ACVR1C: variants seen among roughly 807,000 people sequenced by gnomAD.
ACVR1C encodes the protein activin A receptor type 1C.
Under a neutral mutation model 57.9 loss-of-function variants are expected in ACVR1C, and 23 were observed. The observed-to-expected ratio is 0.40, with a 90% CI of 0.29 to 0.56. The LOEUF is 0.56. ACVR1C is among the 20% of genes least tolerant of loss of function. ACVR1C has a pLI of 0.50. For missense variants in ACVR1C, 480 were observed against 607.9 expected, an observed-to-expected ratio of 0.79 and a Z score of 2.21; for synonymous variants, 214 against 215.3, an observed-to-expected ratio of 0.99 and a Z score of 0.05.
intron 1 of ACVR1C, among the ~76,000 whole-genome samples, chr2:157,626,258 T>C (rs1336880809): frequency 6.6e-6 from 1 of 152,234 alleles, no homozygotes; most frequent in Non-Finnish European, 1.5e-5. Flanking sequence ...CGTGAGCCAC[T>C]GCACCCAGCC....
intron 1 of ACVR1C, among the ~76,000 whole-genome samples, chr2:157,610,392 T>C (rs371198024): frequency 8.5e-5 from 13 of 152,294 alleles, no homozygotes; most frequent in Non-Finnish European, 8.8e-5. Context: ...CCTATAAGGT[T>C]TCTGTTGAAA....
At position 157,541,105 on chromosome 2, in the gene ACVR1C, T is replaced by C. The variant is rs1455897194; in HGVS notation, c.1210A>G (p.Arg404Gly). The C allele has an allele frequency of 1.2e-6, 2 of 1,613,842 alleles. No individual in the cohort carries two copies. The highest frequency in any genetic ancestry group is 1.7e-6 in the Non-Finnish European group (2 of 1,179,916). ...AAAATTTTACCTCCGACTGAACACC[T>C]CCGGGCTATTTCCCAGTAAACCAGA... Reference protein sequence around the residue: ...VGLVYWEIARRCSVGGIVEEY... With the variant: ...VGLVYWEIARGCSVGGIVEEY... The change falls in exon 7 of 9, where the codon AGG becomes GGG. Residue 404 changes from arginine to glycine, a missense_variant. By Grantham distance (125) the Arg-to-Gly change is moderately radical. Transcript: ENST00000243349.
At chr2:157,610,020 A>C (rs1206809460) in intron 1 of ACVR1C, among the ~76,000 whole-genome samples, 2 of 151,980 alleles carry the variant, frequency 1.3e-5, no homozygotes, top group Non-Finnish European at 1.5e-5. Flanking sequence ...TAGTTGTTTT[A>C]TAAATTCTTT....
chr2:157,539,729 C>T (rs1687575897), intron 7 of ACVR1C, among the ~76,000 whole-genome samples: 1 of 152,140 alleles, frequency 6.6e-6, no homozygotes, highest in African/African-American at 2.4e-5. Context: ...AACTGAAGCA[C>T]AGAATGCTAT....
chr2:157,622,733 G>A (rs533549308), intron 1 of ACVR1C, among the ~76,000 whole-genome samples: 11 of 152,204 alleles, frequency 7.2e-5, no homozygotes, highest in Non-Finnish European at 1.6e-4. Flanking sequence ...CAGCACAGAT[G>A]CCCAAAGCAA....
At chr2:157,614,372 T>C (rs1682596619) in intron 1 of ACVR1C, among the ~76,000 whole-genome samples, 1 of 152,192 alleles carries the variant, frequency 6.6e-6, no homozygotes, top group Non-Finnish European at 1.5e-5. Flanking sequence ...ATATTCTGTA[T>C]ACTTTAATTT....
At chr2:157,618,403 T>A (rs983900159) in intron 1 of ACVR1C, among the ~76,000 whole-genome samples, 2 of 151,598 alleles carry the variant, frequency 1.3e-5, no homozygotes, top group African/African-American at 4.8e-5. Context: ...TGAAAGAGGA[T>A]ATATAAAAAT....
rs578241504 is a variant in ACVR1C at position 157,531,761 on chromosome 2, G to T, written c.*2157C>A. 2.2e-4 allele frequency: 34 copies of T among 152,144 alleles called. No homozygotes were observed. The highest frequency in any genetic ancestry group is 7.9e-4 in the African/African-American group (33 of 41,524). The allele number at this position is 152,144 out of a possible 1,614,324, so 9.4% of individuals were successfully genotyped here. On this transcript the variant is annotated 3_prime_UTR_variant, in exon 9 of 9. Transcript: ENST00000243349. ...TAAAAACTGATGATATATTTAGATTGTCTGTAATATCCAAATAAAGCTACT... is the reference window on the plus strand; with the variant it reads ...TAAAAACTGATGATATATTTAGATTTTCTGTAATATCCAAATAAAGCTACT...
chr2:157,573,888 A>T (rs571775154), intron 2 of ACVR1C, among the ~76,000 whole-genome samples: 1 of 152,340 alleles, frequency 6.6e-6, no homozygotes, highest in Admixed American at 6.5e-5. Context: ...TAAGGAAGTA[A>T]GATACAAAAT....
intron 2 of ACVR1C, among the ~76,000 whole-genome samples, chr2:157,563,787 G>A (rs1179424162): frequency 6.6e-6 from 1 of 152,186 alleles, no homozygotes; most frequent in East Asian, 1.9e-4. Context: ...CAATGGAACA[G>A]AACAGAGACA....
At chr2:157,565,756 A>G (rs1370663325) in intron 2 of ACVR1C, among the ~76,000 whole-genome samples, 1 of 152,180 alleles carries the variant, frequency 6.6e-6, no homozygotes, top group Admixed American at 6.5e-5. Flanking sequence ...TCATAATTTT[A>G]TAGCTGACAG....
At chr2:157,576,835 C>CTTTTTTTTTTTTTTTTTTT (rs1166673398) in intron 2 of ACVR1C, among the ~76,000 whole-genome samples, 2 of 41,722 alleles carry the variant, frequency 4.8e-5, no homozygotes, top group African/African-American at 2.7e-4. Context: ...TTGAAATTTT[C>CTTTTTTTTTTTTTTTTTTT]TTTTTTTTTT....
At chr2:157,607,121 G>T (rs1330477589) in intron 1 of ACVR1C, among the ~76,000 whole-genome samples, 1 of 151,868 alleles carries the variant, frequency 6.6e-6, no homozygotes, top group Admixed American at 6.6e-5. Flanking sequence ...TCAGTTGGCT[G>T]TAAATACGTA....
At chr2:157,594,975 TA>T (rs1682055908) in intron 1 of ACVR1C, among the ~76,000 whole-genome samples, 1 of 152,200 alleles carries the variant, frequency 6.6e-6, no homozygotes, top group Non-Finnish European at 1.5e-5. Flanking sequence ...TTTAAAAACT[TA>T]ACAGGAAAAT....
Position 157,567,302 on chromosome 2 carries a change from C to T in ACVR1C, c.305-10970G>A, listed in dbSNP as rs188361969. Among the ~76,000 whole-genome samples, 2 of 92,136 alleles carry T rather than the reference C, an allele frequency of 2.2e-5. 1 individual carries two copies. Among genetic ancestry groups the T allele is most frequent in the Non-Finnish European group, 4.6e-5 (2 of 43,312 alleles). The allele number at this position is 92,136 out of a possible 152,430, so 60.4% of individuals were successfully genotyped here. A position where few individuals can be genotyped will look rare whatever the true frequency, so the allele number is the denominator to read the frequency against. On this transcript the variant is annotated intron_variant, in intron 2 of 8. Transcript: ENST00000243349. ...AGAAAAACTGGAAACTCTAAAACAC[C>T]GAGCACCTCTCCTCCTCCAAAGGAA... is the stretch of plus-strand genomic sequence containing the variant.
At chr2:157,589,996 T>C (rs1689027005) in intron 1 of ACVR1C, among the ~76,000 whole-genome samples, 1 of 151,766 alleles carries the variant, frequency 6.6e-6, no homozygotes, top group East Asian at 1.9e-4. Flanking sequence ...AAAATGAAAC[T>C]GGATCCCCCT....
chr2:157,584,598 T>C (rs1301459597), intron 2 of ACVR1C, among the ~76,000 whole-genome samples: 1 of 152,216 alleles, frequency 6.6e-6, no homozygotes, highest in African/African-American at 2.4e-5. Context: ...TACCAAGTGT[T>C]GGCAAGAATA....
intron 1 of ACVR1C, among the ~76,000 whole-genome samples, chr2:157,593,447 A>T (rs147401451): frequency 3.3e-5 from 5 of 152,344 alleles, no homozygotes; most frequent in African/African-American, 4.8e-5. Context: ...TTTTCCAGAC[A>T]TTAGTTTATT....
At chr2:157,608,165 C>G (rs1461165237) in intron 1 of ACVR1C, among the ~76,000 whole-genome samples, 4 of 151,680 alleles carry the variant, frequency 2.6e-5, no homozygotes, top group Non-Finnish European at 5.9e-5. Flanking sequence ...GCCTCCTATG[C>G]CTAGATTATT....
Sources: gnomAD v4.1 joint callset for allele counts (sites outside exome capture counted in the v4.1 genomes callset) on GRCh38, gnomAD v4.1.1 for gene constraint, MANE v1.5 for transcripts, NCBI Gene and HGNC (gene_info 2026-07-23, HGNC 2026-07-21) for gene names.